Variants in TANK observed in about 807,000 individuals in gnomAD.
TANK encodes the protein TRAF family member associated NFKB activator.
TANK carries 15 observed loss-of-function variants against 43.6 expected under a neutral mutation model. The observed-to-expected ratio is 0.34, with a 90% CI of 0.23 to 0.53. The LOEUF is 0.53. Ranked by LOEUF, TANK falls within the 20% of genes least tolerant of loss-of-function variation. The probability of loss-of-function intolerance (pLI) is 0.94; values close to 1 mark genes in which losing one functional copy is unlikely to be tolerated. For synonymous variants in TANK, 162 were observed against 178.2 expected, an observed-to-expected ratio of 0.91 and a Z score of 0.73; for missense variants, 417 against 498.6, an observed-to-expected ratio of 0.84 and a Z score of 1.56.
At chr2:161,203,813 A>G (rs1052081257) in intron 3 of TANK, among the ~76,000 whole-genome samples, 2 of 152,204 alleles carry the variant, frequency 1.3e-5, no homozygotes, top group Admixed American at 6.5e-5. Flanking sequence ...CTCTAAGTTT[A>G]TAAAACTTCC....
At chr2:161,208,180 G>A in intron 4 of TANK, 1 of 985,384 alleles carries the variant, frequency 1.0e-6, no homozygotes, top group Non-Finnish European at 1.2e-6. Context: ...TTGGCAAATA[G>A]CCACTCTGGC....
At chr2:161,208,389 G>C (rs1464117217) in intron 4 of TANK, among the ~76,000 whole-genome samples, 1 of 152,138 alleles carries the variant, frequency 6.6e-6, no homozygotes, top group Admixed American at 6.6e-5. Flanking sequence ...TCTATCATTA[G>C]ATGACCCTTA....
intron 4 of TANK, chr2:161,207,512 A>C: frequency 2.0e-6 from 2 of 984,656 alleles, no homozygotes; most frequent in Non-Finnish European, 2.4e-6. Context: ...ATGAGCACTA[A>C]ACGTATAAGG....
At chr2:161,210,262 T>A (rs1048105092) in intron 4 of TANK, among the ~76,000 whole-genome samples, 6 of 152,192 alleles carry the variant, frequency 3.9e-5, no homozygotes, top group Admixed American at 3.9e-4. Context: ...TCTGACATAT[T>A]TGAAGAAAGC....
At chr2:161,233,001 T>TA (rs892164986) in intron 7 of TANK, 173 of 815,738 alleles carry the variant, frequency 2.1e-4, no homozygotes, top group Middle Eastern at 3.9e-4. Context: ...ATGAGTTTTT[T>TA]AAAAAAAACC....
At chr2:161,213,348 A>G (rs1365402571) in intron 4 of TANK, among the ~76,000 whole-genome samples, 1 of 152,206 alleles carries the variant, frequency 6.6e-6, no homozygotes, top group Non-Finnish European at 1.5e-5. Flanking sequence ...CACGCCTGTA[A>G]TCTCAACATT....
intron 2 of TANK, among the ~76,000 whole-genome samples, chr2:161,202,697 G>C (rs575750311): frequency 5.5e-4 from 83 of 152,208 alleles, no homozygotes; most frequent in Non-Finnish European, 1.0e-3. Context: ...TCCAGGGATA[G>C]AAATTGGTTA....
intron 2 of TANK, 94 bp from the exon 3 acceptor site, chr2:161,203,393 G>T: frequency 1.3e-6 from 1 of 778,080 alleles, no homozygotes; most frequent in South Asian, 1.9e-5. Context: ...ATGACAATGT[G>T]GGCAACTCAT....
At chr2:161,167,615 T>C (rs1684744440) in intron 1 of TANK, among the ~76,000 whole-genome samples, 1 of 151,728 alleles carries the variant, frequency 6.6e-6, no homozygotes, top group Non-Finnish European at 1.5e-5. Context: ...GGTTTTTGTT[T>C]GTTTGTTTGT....
chr2:161,225,213 G>C (rs1687551368), intron 6 of TANK, among the ~76,000 whole-genome samples: 1 of 152,048 alleles, frequency 6.6e-6, no homozygotes, highest in Non-Finnish European at 1.5e-5. Flanking sequence ...ACTATGGATA[G>C]ATGTTTTTTT....
intron 1 of TANK, among the ~76,000 whole-genome samples, chr2:161,174,377 A>G (rs1357675976): frequency 6.6e-6 from 1 of 152,174 alleles, no homozygotes; most frequent in African/African-American, 2.4e-5. Flanking sequence ...TTACAGTATC[A>G]TATCATCTCT....
At chr2:161,217,585 T>TTGCGTG (rs1687171145) in intron 4 of TANK, among the ~76,000 whole-genome samples, 2 of 136,556 alleles carry the variant, frequency 1.5e-5, no homozygotes, top group South Asian at 5.0e-4. Flanking sequence ...GGTAGTTGGT[T>TTGCGTG]TGTGTGTGTG....
intron 1 of TANK, among the ~76,000 whole-genome samples, chr2:161,144,771 C>G (rs187749785): frequency 1.3e-5 from 2 of 152,088 alleles, no homozygotes; most frequent in Non-Finnish European, 2.9e-5. Context: ...AATGTATATT[C>G]TGTTGATTTG....
chr2:161,234,887 T>A (rs1688103840), intron 7 of TANK, among the ~76,000 whole-genome samples: 2 of 152,234 alleles, frequency 1.3e-5, no homozygotes, highest in African/African-American at 4.8e-5. Context: ...TAAACAGTAG[T>A]GAAATTGATT....
At chr2:161,214,864 C>G (rs2105366126) in intron 4 of TANK, among the ~76,000 whole-genome samples, 1 of 152,148 alleles carries the variant, frequency 6.6e-6, no homozygotes, top group Admixed American at 6.5e-5. Context: ...TTGGTCCTGC[C>G]TAGGAGGTAA....
At chr2:161,215,678 C>A (rs1687086516) in intron 4 of TANK, among the ~76,000 whole-genome samples, 1 of 152,136 alleles carries the variant, frequency 6.6e-6, no homozygotes, top group Non-Finnish European at 1.5e-5. Flanking sequence ...TAACACTCTT[C>A]CCAGTATTGT....
chr2:161,190,442 A>G (rs1301645248), intron 2 of TANK, among the ~76,000 whole-genome samples: 1 of 152,206 alleles, frequency 6.6e-6, no homozygotes, highest in Non-Finnish European at 1.5e-5. Context: ...CAGCAATCCT[A>G]CTACTCTTGG....
intron 3 of TANK, among the ~76,000 whole-genome samples, chr2:161,204,427 T>C (rs1686556342): frequency 6.6e-6 from 1 of 152,218 alleles, no homozygotes; most frequent in South Asian, 2.1e-4. Context: ...TTTCTAGTTT[T>C]CTAAATTCTG....
At chr2:161,213,611 A>T (rs1686989745) in intron 4 of TANK, among the ~76,000 whole-genome samples, 1 of 151,784 alleles carries the variant, frequency 6.6e-6, no homozygotes, top group Non-Finnish European at 1.5e-5. Flanking sequence ...AAAAAAAAAA[A>T]AAAAGAAAAT....
Sources: allele counts gnomAD v4.1 joint callset (sites outside exome capture counted in the v4.1 genomes callset), GRCh38; gene constraint gnomAD v4.1.1; transcripts MANE v1.5; gene names NCBI Gene and HGNC (gene_info 2026-07-23, HGNC 2026-07-21).